DCUN1D4: variants seen among roughly 807,000 people sequenced by gnomAD.
DCUN1D4 encodes defective in cullin neddylation 1 domain containing 4, also known as DCN1-like protein 4.
In DCUN1D4, 22 loss-of-function variants were observed where a neutral mutation model predicts 47.9. That is an observed-to-expected ratio of 0.46 (90% CI 0.33 to 0.66). The LOEUF (loss-of-function observed/expected upper bound fraction) is 0.66, where lower values mean the gene tolerates loss of function less well. DCUN1D4 is among the 30% of genes least tolerant of loss of function. The probability of loss-of-function intolerance (pLI) is 0.02; values close to 1 mark genes in which losing one functional copy is unlikely to be tolerated. For missense variants in DCUN1D4, 301 were observed against 340.8 expected, an observed-to-expected ratio of 0.88 and a Z score of 0.92; for synonymous variants, 121 against 112.2, an observed-to-expected ratio of 1.08 and a Z score of -0.50.
At chr4:51,849,881 T>C (rs1456953372) in intron 1 of DCUN1D4, among the ~76,000 whole-genome samples, 1 of 152,096 alleles carries the variant, frequency 6.6e-6, no homozygotes, top group Non-Finnish European at 1.5e-5. Context: ...TAGTGGAATG[T>C]TTATTTTGTT....
At chr4:51,856,028 C>A (rs563291563) in intron 1 of DCUN1D4, among the ~76,000 whole-genome samples, 60 of 152,322 alleles carry the variant, frequency 3.9e-4, no homozygotes, top group Admixed American at 1.2e-3. Context: ...CTTAAGCATT[C>A]CCTGATGAAT....
intron 8 of DCUN1D4, among the ~76,000 whole-genome samples, chr4:51,901,772 C>T (rs779053772): frequency 6.6e-5 from 10 of 152,166 alleles, no homozygotes; most frequent in Non-Finnish European, 1.3e-4. Context: ...TAATTTCTTT[C>T]TTTGTACATC....
intron 5 of DCUN1D4, among the ~76,000 whole-genome samples, chr4:51,885,246 A>T (rs935792694): frequency 2.0e-5 from 3 of 152,164 alleles, no homozygotes; most frequent in Admixed American, 6.5e-5. Context: ...TGGAATTAGG[A>T]GATCATGAGG....
At chr4:51,893,851 A>G (rs1166172225) in intron 7 of DCUN1D4, among the ~76,000 whole-genome samples, 2 of 152,022 alleles carry the variant, frequency 1.3e-5, no homozygotes, top group African/African-American at 4.8e-5. Context: ...GTCCATTTTT[A>G]TTTGTCTTAA....
chr4:51,873,831 T>A (rs1727266144), intron 3 of DCUN1D4, among the ~76,000 whole-genome samples: 1 of 152,190 alleles, frequency 6.6e-6, no homozygotes, highest in Non-Finnish European at 1.5e-5. Context: ...AGATATCTCT[T>A]GAAGCTTAAG....
At chr4:51,843,454 G>T in intron 1 of DCUN1D4, 187 bp downstream of exon 1, 1 of 1,237,012 alleles carries the variant, frequency 8.1e-7, no homozygotes, top group Non-Finnish European at 1.0e-6. Flanking sequence ...GGGCGGGGGC[G>T]GGCGTGGGGG....
At chr4:51,889,701 T>A (rs918748753) in intron 6 of DCUN1D4, among the ~76,000 whole-genome samples, 2 of 152,190 alleles carry the variant, frequency 1.3e-5, no homozygotes, top group African/African-American at 4.8e-5. Flanking sequence ...AAATGTGAGT[T>A]GGTTAGTTGT....
At chr4:51,901,947 CT>C (rs1311918110) in intron 8 of DCUN1D4, among the ~76,000 whole-genome samples, 3 of 151,786 alleles carry the variant, frequency 2.0e-5, no homozygotes, top group Non-Finnish European at 2.9e-5. Flanking sequence ...TTCTTTTTTG[CT>C]TTGTTTTGTT....
upstream of DCUN1D4, among the ~76,000 whole-genome samples, chr4:51,841,175 C>A (rs754756113): frequency 7.9e-5 from 12 of 151,784 alleles, no homozygotes; most frequent in Non-Finnish European, 1.5e-4. Flanking sequence ...AGAGGTGTCA[C>A]GAAGGAAGCC....
chr4:51,855,313 G>A (rs180827707), intron 1 of DCUN1D4, among the ~76,000 whole-genome samples: 1 of 152,256 alleles, frequency 6.6e-6, no homozygotes, highest in Admixed American at 6.5e-5. Flanking sequence ...GGTGATGTTT[G>A]CACAACTCTG....
At chr4:51,882,142 CACAG>C (rs1728744914) in intron 5 of DCUN1D4, among the ~76,000 whole-genome samples, 1 of 151,858 alleles carries the variant, frequency 6.6e-6, no homozygotes, top group African/African-American at 2.4e-5. Context: ...TTCTAAAACA[CACAG>C]ACACATGTAT....
chr4:51,891,964 G>A (rs1297361756), intron 7 of DCUN1D4, 113 bp downstream of exon 7: 4 of 801,064 alleles, frequency 5.0e-6, no homozygotes, highest in Non-Finnish European at 8.1e-6. Flanking sequence ...AGGTGGTCTG[G>A]CCAAGCTTCC....
intron 3 of DCUN1D4, among the ~76,000 whole-genome samples, chr4:51,871,447 G>A (rs1232568067): frequency 6.6e-6 from 1 of 152,218 alleles, no homozygotes; most frequent in East Asian, 1.9e-4. Flanking sequence ...GCTAATGAAT[G>A]AACTTTTATT....
upstream of DCUN1D4, among the ~76,000 whole-genome samples, chr4:51,840,979 G>A (rs1209188140): frequency 6.6e-6 from 1 of 152,148 alleles, no homozygotes; most frequent in African/African-American, 2.4e-5. Context: ...AAATAACAGA[G>A]GTTGTACATT....
At chr4:51,891,727 A>AT (rs751838174) in intron 6 of DCUN1D4, 33 bp from the exon 7 acceptor site, 307 of 1,466,544 alleles carry the variant, frequency 2.1e-4, no homozygotes, top group Admixed American at 2.6e-4. Flanking sequence ...TGTGTAATAT[A>AT]TTTTTTTTTA....
chr4:51,890,360 C>T (rs1730232601), intron 6 of DCUN1D4, among the ~76,000 whole-genome samples: 1 of 152,178 alleles, frequency 6.6e-6, no homozygotes, highest in African/African-American at 2.4e-5. Context: ...TTGAATGGTT[C>T]TTTCAGTAGC....
intron 8 of DCUN1D4, chr4:51,910,735 A>G (rs6554060): frequency 0.38 from 107,637 of 282,570 alleles, 25,346 homozygotes; most frequent in African/African-American, 0.74. Flanking sequence ...TATCATAAAT[A>G]TCAAACAAGC....
chr4:51,878,037 C>T lies in DCUN1D4; in HGVS notation c.343+183C>T, dbSNP rs1727963242. 4 of 357,260 alleles carry T rather than the reference C, an allele frequency of 1.1e-5. No individual in the cohort carries two copies. The South Asian group carries it at 2.4e-4, about 21-fold the overall frequency. 22.1% of individuals were successfully genotyped at this position (357,260 alleles called of 1,614,324 possible). A position where few individuals can be genotyped will look rare whatever the true frequency, so the allele number is the denominator to read the frequency against. ...ACCAGATAGCCTATTTTATAGCCAG[C>T]AGCTAAGCCAAATAATTCAGAACAC... On this transcript the variant is annotated intron_variant, in intron 5 of 10. Coordinates refer to ENST00000334635, the MANE Select transcript of DCUN1D4 (RefSeq NM_001040402.3).
intron 8 of DCUN1D4, among the ~76,000 whole-genome samples, chr4:51,901,003 G>A (rs1044422866): frequency 1.3e-5 from 2 of 152,062 alleles, no homozygotes; most frequent in African/African-American, 4.8e-5. Context: ...GTGCTCTTTG[G>A]CCACCTTTTT....
Sources: gnomAD v4.1 joint callset for allele counts (sites outside exome capture counted in the v4.1 genomes callset) on GRCh38, gnomAD v4.1.1 for gene constraint, MANE v1.5 for transcripts, NCBI Gene and HGNC (gene_info 2026-07-23, HGNC 2026-07-21) for gene names.